CDH12: variants seen among roughly 807,000 people sequenced by gnomAD.
The protein encoded by CDH12 is cadherin 12.
CDH12 carries 41 observed loss-of-function variants against 74.1 expected under a neutral mutation model. That is an observed-to-expected ratio of 0.55 (90% CI 0.43 to 0.72). CDH12 has a LOEUF of 0.72. CDH12 is among the 30% of genes least tolerant of loss of function. The probability of loss-of-function intolerance (pLI) is 0.00; values close to 1 mark genes in which losing one functional copy is unlikely to be tolerated. For missense variants in CDH12, 945 were observed against 977.2 expected (o/e 0.97, Z 0.44); for synonymous variants, 399 against 355.0 (o/e 1.12, Z -1.39).
rs561474264 is a variant in CDH12 at position 22,014,356 on chromosome 5, A to C, written c.232-38971T>G. ...TTTGCACAATAATGAAAGTTCATTG[A>C]GTACATGTTCACTGACATATATGGA... On this transcript the variant is annotated intron_variant, in intron 5 of 14. Transcript: ENST00000382254. 2.6e-5 allele frequency among the ~76,000 whole-genome samples: 4 copies of C among 152,310 alleles called. No individual in the cohort carries two copies. In the East Asian group the frequency reaches 7.7e-4, roughly 29 times the overall value.
chr5:22,283,209 T>G (rs981551583), intron 3 of CDH12, among the ~76,000 whole-genome samples: 24 of 86,196 alleles, frequency 2.8e-4, no homozygotes, highest in African/African-American at 1.3e-3. Context: ...CTGTGAGATA[T>G]ATATATAGAT....
rs559947209 is a variant in CDH12 at position 22,035,520 on chromosome 5, A to G, written c.231+42926T>C. Among the ~76,000 whole-genome samples, 307 of 152,196 alleles carry G rather than the reference A, an allele frequency of 2.0e-3. 4 individuals are homozygous for G. The highest frequency in any genetic ancestry group is 6.8e-3 in the African/African-American group (283 of 41,536). On this transcript the variant is annotated intron_variant, in intron 5 of 14. Transcript: ENST00000382254. Reference sequence around the variant, plus strand: ...CATATATTTCTTGTTTTATTATTTAATACAATAAAATAGCAAATATAATAG... The same window carrying G: ...CATATATTTCTTGTTTTATTATTTAGTACAATAAAATAGCAAATATAATAG...
At chr5:22,063,510 A>G (rs1035937248) in intron 5 of CDH12, among the ~76,000 whole-genome samples, 4 of 152,038 alleles carry the variant, frequency 2.6e-5, no homozygotes, top group Non-Finnish European at 5.9e-5. Flanking sequence ...TACCCCTTTA[A>G]TATCTTTTAA....
At chr5:22,571,804 C>T (rs1739554944) in intron 1 of CDH12, among the ~76,000 whole-genome samples, 1 of 152,002 alleles carries the variant, frequency 6.6e-6, no homozygotes, top group East Asian at 1.9e-4. Context: ...TGGGGGCAAT[C>T]GGAACACATA....
chr5:22,633,272 A>C (rs1163698551), intron 1 of CDH12, among the ~76,000 whole-genome samples: 2 of 152,342 alleles, frequency 1.3e-5, no homozygotes, highest in East Asian at 1.9e-4. Flanking sequence ...AATCAGGTGA[A>C]GGCAAAGGTA....
intron 3 of CDH12, among the ~76,000 whole-genome samples, chr5:22,259,734 T>C (rs1363621515): frequency 6.6e-6 from 1 of 151,986 alleles, no homozygotes; most frequent in Non-Finnish European, 1.5e-5. Context: ...CAAAGGACTT[T>C]TTTTTTTTAC....
intron 1 of CDH12, among the ~76,000 whole-genome samples, chr5:22,573,501 A>T (rs1739635358): frequency 6.6e-6 from 1 of 152,184 alleles, no homozygotes; most frequent in South Asian, 2.1e-4. Context: ...ACAAAAAATA[A>T]TAACCAGAAT....
intron 6 of CDH12, among the ~76,000 whole-genome samples, chr5:21,941,197 C>T (rs1755314579): frequency 6.6e-6 from 1 of 152,112 alleles, no homozygotes; most frequent in African/African-American, 2.4e-5. Context: ...AAAAATTTGA[C>T]ATTGGCTGAC....
At chr5:22,376,279 G>T (rs148853794) in intron 3 of CDH12, among the ~76,000 whole-genome samples, 14 of 152,204 alleles carry the variant, frequency 9.2e-5, no homozygotes, top group African/African-American at 3.4e-4. Flanking sequence ...TAGAAAGATA[G>T]ATGCAAGATG....
At chr5:22,745,102 C>T (rs1320259431) in intron 1 of CDH12, among the ~76,000 whole-genome samples, 1 of 151,512 alleles carries the variant, frequency 6.6e-6, no homozygotes, top group East Asian at 1.9e-4. Context: ...TATAGTTATA[C>T]CACAATGAAA....
At chr5:22,729,052 T>G (rs1457189731) in intron 1 of CDH12, among the ~76,000 whole-genome samples, 4 of 152,006 alleles carry the variant, frequency 2.6e-5, no homozygotes, top group Non-Finnish European at 2.9e-5. Context: ...CATGTTAGCC[T>G]CTGTATTAAT....
chr5:21,871,395 T>C (rs983768478), intron 6 of CDH12, among the ~76,000 whole-genome samples: 7 of 152,210 alleles, frequency 4.6e-5, no homozygotes, highest in African/African-American at 1.7e-4. Context: ...AAAGGAATTA[T>C]AATAGAGTTT....
At chr5:22,001,254 T>C (rs1484469930) in intron 5 of CDH12, among the ~76,000 whole-genome samples, 1 of 152,132 alleles carries the variant, frequency 6.6e-6, no homozygotes, top group Admixed American at 6.6e-5. Context: ...GATTGCAAAG[T>C]TGTTAATGAG....
intron 1 of CDH12, among the ~76,000 whole-genome samples, chr5:22,851,926 T>C (rs749363141): frequency 2.0e-4 from 30 of 152,220 alleles, no homozygotes; most frequent in Non-Finnish European, 4.0e-4. Flanking sequence ...TGTGTCTGGA[T>C]ATTATTTTAT....
At chr5:22,813,450 C>T (rs1445527111) in intron 1 of CDH12, among the ~76,000 whole-genome samples, 1 of 152,078 alleles carries the variant, frequency 6.6e-6, no homozygotes, top group Non-Finnish European at 1.5e-5. Context: ...TTTTTCATCT[C>T]TGTGGTGAAA....
rs977764292 is a variant in CDH12 at position 21,764,962 on chromosome 5, A to G, written c.1515+16T>C. 1.9e-6 allele frequency: 3 copies of G among 1,613,374 alleles called. No homozygotes were observed. Among genetic ancestry groups the G allele is most frequent in the Non-Finnish European group, 2.5e-6 (3 of 1,179,548 alleles). Reference sequence around the variant, plus strand: ...GTGGGTCTTTATACACTCAAGGAACAATATTTATAAGATACCTGTCCTGGC... The same window carrying G: ...GTGGGTCTTTATACACTCAAGGAACGATATTTATAAGATACCTGTCCTGGC... On this transcript the variant is annotated intron_variant, in intron 12 of 14. Coordinates refer to ENST00000382254, the MANE Select transcript of CDH12 (RefSeq NM_004061.5).
intron 4 of CDH12, among the ~76,000 whole-genome samples, chr5:22,198,610 T>C (rs1472910142): frequency 1.3e-5 from 2 of 152,136 alleles, no homozygotes; most frequent in South Asian, 2.1e-4. Flanking sequence ...CCAGGACCTA[T>C]GAAAACTCTA....
chr5:22,831,333 A>G lies in CDH12; in HGVS notation c.-523+21725T>C, dbSNP rs953463224. ...GAAATGAAATAGGAGAGACAAAGGA[A>G]GGTAGGGGTTTTGGAGTTTGTGTGT... On this transcript the variant is annotated intron_variant, in intron 1 of 14. Transcript: ENST00000382254. 5.4e-5 allele frequency among the ~76,000 whole-genome samples: 8 copies of G among 147,300 alleles called. 1 individual carries two copies. In the South Asian group the frequency reaches 1.8e-3, roughly 32 times the overall value.
chr5:22,294,089 C>T (rs1404230096), intron 3 of CDH12, among the ~76,000 whole-genome samples: 1 of 151,088 alleles, frequency 6.6e-6, no homozygotes, highest in South Asian at 2.1e-4. Flanking sequence ...ATGACAAATA[C>T]ATATAATTTT....
Sources: gnomAD v4.1 joint callset for allele counts (sites outside exome capture counted in the v4.1 genomes callset) on GRCh38, gnomAD v4.1.1 for gene constraint, MANE v1.5 for transcripts, NCBI Gene and HGNC (gene_info 2026-07-23, HGNC 2026-07-21) for gene names.